VAV3: variants seen among roughly 807,000 people sequenced by gnomAD.
VAV3 encodes the protein vav guanine nucleotide exchange factor 3, also known as guanine nucleotide exchange factor VAV3.
A neutral mutation model predicts 131.2 loss-of-function variants in VAV3; 94 were observed. The observed-to-expected ratio is 0.72, with a 90% CI of 0.61 to 0.85. The LOEUF (loss-of-function observed/expected upper bound fraction) is 0.85, where lower values mean the gene tolerates loss of function less well. Ranked by LOEUF, VAV3 falls within the 40% of genes least tolerant of loss-of-function variation. VAV3 has a pLI of 0.00. For missense variants in VAV3, 939 were observed against 1,002.7 expected (o/e 0.94, Z 0.86); for synonymous variants, 349 against 342.0 (o/e 1.02, Z -0.22).
At chr1:107,595,703 T>C (rs529982133) in intron 25 of VAV3, among the ~76,000 whole-genome samples, 1 of 152,304 alleles carries the variant, frequency 6.6e-6, no homozygotes, top group South Asian at 2.1e-4. Flanking sequence ...CACAGCTCAT[T>C]CTGAAAGAAA....
Position 107,571,803 on chromosome 1 carries a change from G to C in VAV3, c.*1528C>G, listed in dbSNP as rs900322065. On this transcript the variant is annotated 3_prime_UTR_variant, in exon 27 of 27. Transcript: ENST00000370056. ...AGGTAAAGGTCTTGAATCTATCCTAGATGAAAAGTCCTAGCCCATGAGGGT... is the reference window on the plus strand; with the variant it reads ...AGGTAAAGGTCTTGAATCTATCCTACATGAAAAGTCCTAGCCCATGAGGGT... 6.6e-6 allele frequency: 1 copy of C among 152,632 alleles called. No homozygotes were observed. The highest frequency in any genetic ancestry group is 1.5e-5 in the Non-Finnish European group (1 of 68,046). The allele number at this position is 152,632 out of a possible 1,614,324, so 9.5% of individuals were successfully genotyped here. A position where few individuals can be genotyped will look rare whatever the true frequency, so the allele number is the denominator to read the frequency against.
chr1:107,666,785 A>T (rs1429214403), intron 19 of VAV3, among the ~76,000 whole-genome samples: 1 of 152,112 alleles, frequency 6.6e-6, no homozygotes, highest in East Asian at 1.9e-4. Context: ...TGACCTTAGT[A>T]TATATTAACT....
chr1:107,687,469 G>C (rs1002447488), intron 18 of VAV3, among the ~76,000 whole-genome samples: 5 of 152,004 alleles, frequency 3.3e-5, no homozygotes, highest in African/African-American at 1.2e-4. Flanking sequence ...GAAATTTTCA[G>C]ATTACTGTAC....
At chr1:107,689,096 G>A (rs1470108308) in intron 17 of VAV3, among the ~76,000 whole-genome samples, 1 of 152,144 alleles carries the variant, frequency 6.6e-6, no homozygotes, top group African/African-American at 2.4e-5. Flanking sequence ...TACTATAGTA[G>A]AAGAGCAAAG....
intron 25 of VAV3, among the ~76,000 whole-genome samples, chr1:107,592,736 G>A (rs537441243): frequency 2.0e-5 from 3 of 152,170 alleles, no homozygotes; most frequent in Admixed American, 6.6e-5. Context: ...AGAAAGCTAA[G>A]GTCCAGACAG....
intron 2 of VAV3, among the ~76,000 whole-genome samples, chr1:107,796,818 T>TGC (rs1666574875): frequency 1.3e-5 from 2 of 150,400 alleles, no homozygotes; most frequent in Non-Finnish European, 3.0e-5. Flanking sequence ...TATATATATA[T>TGC]GCAAATTTAC....
intron 15 of VAV3, among the ~76,000 whole-genome samples, chr1:107,721,578 A>C (rs919258476): frequency 2.0e-4 from 30 of 152,200 alleles, no homozygotes; most frequent in Non-Finnish European, 3.8e-4. Context: ...AAGGAAAGAA[A>C]CATGATGAGA....
At position 107,873,026 on chromosome 1, in the gene VAV3, T is replaced by C. The variant is rs554945659; in HGVS notation, c.321+1875A>G. Among the ~76,000 whole-genome samples the C allele has an allele frequency of 6.6e-5, 10 of 152,314 alleles. No individual in the cohort carries two copies. The East Asian group carries it at 1.9e-3, about 29-fold the overall frequency. ...TTTAGATCATACAGTTCTAAAGAGATAGCTACTCCAATCTTGGCAGTAGCA... is the reference window on the plus strand; with the variant it reads ...TTTAGATCATACAGTTCTAAAGAGACAGCTACTCCAATCTTGGCAGTAGCA... On this transcript the variant is annotated intron_variant, in intron 2 of 26. Transcript: ENST00000370056.
intron 1 of VAV3, among the ~76,000 whole-genome samples, chr1:107,914,924 G>A (rs1246238331): frequency 1.3e-5 from 2 of 152,198 alleles, no homozygotes; most frequent in Admixed American, 6.5e-5. Context: ...GGCAAACCCT[G>A]CAGGTGGAAC....
chr1:107,870,607 G>C (rs1259908300), intron 2 of VAV3, among the ~76,000 whole-genome samples: 1 of 152,020 alleles, frequency 6.6e-6, no homozygotes, highest in African/African-American at 2.4e-5. Context: ...TCTGCTGACT[G>C]TTCATTTTGC....
At chr1:107,827,789 A>G (rs895949986) in intron 2 of VAV3, among the ~76,000 whole-genome samples, 1 of 152,180 alleles carries the variant, frequency 6.6e-6, no homozygotes, top group African/African-American at 2.4e-5. Context: ...TATTTCTGTG[A>G]GTGATTAAAA....
intron 20 of VAV3, among the ~76,000 whole-genome samples, chr1:107,637,614 A>G (rs1655031401): frequency 6.6e-6 from 1 of 152,228 alleles, no homozygotes; most frequent in Non-Finnish European, 1.5e-5. Flanking sequence ...CCTGGGCAAC[A>G]GAGCGAGACT....
chr1:107,785,944 C>G (rs1665956011), intron 2 of VAV3, among the ~76,000 whole-genome samples: 1 of 152,188 alleles, frequency 6.6e-6, no homozygotes, highest in Non-Finnish European at 1.5e-5. Flanking sequence ...TAATTTCACA[C>G]AGTAAATTAC....
At chr1:107,575,001 GCGCGCGCGCGCGCGCA>G (rs1188654726) in intron 25 of VAV3, among the ~76,000 whole-genome samples, 888 of 42,528 alleles carry the variant, frequency 0.021, 9 homozygotes, top group Middle Eastern at 0.03. Context: ...GTGCGTGCGT[GCGCGCGCGCGCGCGCA>G]CACGCGCGCG....
At chr1:107,886,908 TA>T (rs1007166599) in intron 1 of VAV3, among the ~76,000 whole-genome samples, 4 of 151,880 alleles carry the variant, frequency 2.6e-5, no homozygotes, top group African/African-American at 9.7e-5. Context: ...AAATTAAGTT[TA>T]AAAAAAATAC....
chr1:107,763,657 A>T (rs1347665980), intron 9 of VAV3, among the ~76,000 whole-genome samples: 2 of 152,194 alleles, frequency 1.3e-5, no homozygotes, highest in Non-Finnish European at 2.9e-5. Flanking sequence ...GGGTGACTCA[A>T]ACTACCTCCA....
At chr1:107,632,529 C>G (rs2101403477) in intron 20 of VAV3, among the ~76,000 whole-genome samples, 1 of 152,292 alleles carries the variant, frequency 6.6e-6, no homozygotes, top group Non-Finnish European at 1.5e-5. Context: ...CATTTGCTGG[C>G]TAAAAATTCT....
At chr1:107,791,949 AC>A (rs1452336985) in intron 2 of VAV3, among the ~76,000 whole-genome samples, 2 of 152,214 alleles carry the variant, frequency 1.3e-5, no homozygotes, top group Non-Finnish European at 2.9e-5. Flanking sequence ...GTAAATGACA[AC>A]CTACATTTGA....
At chr1:107,761,416 A>G (rs1230564041) in intron 9 of VAV3, among the ~76,000 whole-genome samples, 1 of 151,718 alleles carries the variant, frequency 6.6e-6, no homozygotes, top group Middle Eastern at 3.2e-3. Context: ...AAAAGAAAAA[A>G]GAAAAAGAAA....
Sources: gnomAD v4.1 joint callset for allele counts (sites outside exome capture counted in the v4.1 genomes callset) on GRCh38, gnomAD v4.1.1 for gene constraint, MANE v1.5 for transcripts, NCBI Gene and HGNC (gene_info 2026-07-23, HGNC 2026-07-21) for gene names.